The following ITPR2 variants were observed in gnomAD, a reference collection of about 807,000 sequenced individuals.
ITPR2 encodes the protein inositol 1,4,5-trisphosphate receptor type 2.
A neutral mutation model predicts 317.1 loss-of-function variants in ITPR2; 207 were observed. That is an observed-to-expected ratio of 0.65 (90% CI 0.58 to 0.73). ITPR2 has a LOEUF of 0.73. Ranked by LOEUF, ITPR2 falls within the 30% of genes least tolerant of loss-of-function variation. The pLI is 0.00. For missense variants in ITPR2, 2,613 were observed against 3,284.0 expected, an observed-to-expected ratio of 0.80 and a Z score of 4.99; for synonymous variants, 1,156 against 1,149.1, an observed-to-expected ratio of 1.01 and a Z score of -0.12.
At chr12:26,701,416 T>G (rs1948444543) in intron 9 of ITPR2, among the ~76,000 whole-genome samples, 1 of 152,218 alleles carries the variant, frequency 6.6e-6, no homozygotes, top group Non-Finnish European at 1.5e-5. Flanking sequence ...ATGTTTCTCT[T>G]TCCAACGACT....
chr12:26,525,428 TCTA>T (rs1007559350), intron 37 of ITPR2, among the ~76,000 whole-genome samples: 1 of 152,194 alleles, frequency 6.6e-6, no homozygotes, highest in African/African-American at 2.4e-5. Flanking sequence ...TACTGGCATC[TCTA>T]CCTACAGCAT....
intron 5 of ITPR2, chr12:26,721,203 G>GA: frequency 4.9e-6 from 2 of 411,774 alleles, no homozygotes; most frequent in Middle Eastern, 3.0e-4. Flanking sequence ...AAAAAAAGTA[G>GA]GGTTTTTTTT....
At chr12:26,511,056 AT>A (rs1943333862) in intron 37 of ITPR2, among the ~76,000 whole-genome samples, 1 of 152,212 alleles carries the variant, frequency 6.6e-6, no homozygotes, top group African/African-American at 2.4e-5. Flanking sequence ...CAAATTCACT[AT>A]CATCTTGACT....
Position 26,625,175 on chromosome 12 carries a change from G to C in ITPR2, c.3065-819C>G, listed in dbSNP as rs532028180. On this transcript the variant is annotated intron_variant, in intron 23 of 56. Transcript: ENST00000381340. ...CTCATGGCGATAGACAGTAGAATAA[G>C]AGTTACCAGAGGCTGGGAAAGGTAG... Among the ~76,000 whole-genome samples the C allele has an allele frequency of 9.2e-5, 14 of 152,086 alleles. No individual in the cohort carries two copies. In the South Asian group the frequency reaches 2.5e-3, roughly 27 times the overall value.
chr12:26,803,943 T>C (rs1012524474), intron 1 of ITPR2, among the ~76,000 whole-genome samples: 6 of 152,122 alleles, frequency 3.9e-5, no homozygotes, highest in Non-Finnish European at 5.9e-5. Flanking sequence ...AGGCTGTAAA[T>C]CTGATCATTA....
chr12:26,666,070 G>A lies in ITPR2; in HGVS notation c.1410-19C>T. ...TACAAACCTATTACAAAATGAAAAG[G>A]AAATTTTACTTTACAGTGTGCTTAA... is the stretch of plus-strand genomic sequence containing the variant. On this transcript the variant is annotated intron_variant, in intron 13 of 56. Coordinates refer to ENST00000381340, the MANE Select transcript of ITPR2 (RefSeq NM_002223.4). 6.2e-7 allele frequency: 1 copy of A among 1,601,844 alleles called. No homozygotes were observed. Among genetic ancestry groups the A allele is most frequent in the Non-Finnish European group, 8.5e-7 (1 of 1,174,264 alleles).
In ITPR2 at chr12:26,595,578, A is replaced by C; in HGVS notation, c.4267T>G (p.Tyr1423Asp). The change falls in exon 32 of 57, where the codon TAT (tyrosine) becomes GAT (aspartate). Residue 1423 changes from tyrosine to aspartate, a missense_variant. By Grantham distance (160) the Tyr-to-Asp change is radical. This residue lies in a region of ITPR2 where 926 missense variants were observed against 1,072.8 expected (regional missense o/e 0.86). Coordinates refer to ENST00000381340, the MANE Select transcript of ITPR2 (RefSeq NM_002223.4). ...TAACAGTGATTAACAAAGTTCACAT[A>C]AGCAATTTTAACCTGTGCAAGTTTC... ...DDCIPEVKIA[Y>D]VNFVNHCYVD... The C allele has an allele frequency of 6.3e-7, 1 of 1,584,176 alleles. No homozygotes were observed. Among genetic ancestry groups the C allele is most frequent in the Non-Finnish European group, 8.5e-7 (1 of 1,170,860 alleles).
intron 2 of ITPR2, among the ~76,000 whole-genome samples, chr12:26,772,991 GA>G (rs1295982133): frequency 1.3e-5 from 2 of 152,008 alleles, no homozygotes; most frequent in African/African-American, 4.8e-5. Context: ...ACTTATGAGT[GA>G]GAACATGTGG....
At chr12:26,497,154 T>C (rs1942952117) in intron 37 of ITPR2, among the ~76,000 whole-genome samples, 1 of 143,582 alleles carries the variant, frequency 7.0e-6, no homozygotes, top group Non-Finnish European at 1.5e-5. Context: ...CATTTCTCTC[T>C]CTTTTTTTTT....
At position 26,390,603 on chromosome 12, in the gene ITPR2, A is replaced by G. The variant is rs183516550; in HGVS notation, c.7697-3009T>C. Among the ~76,000 whole-genome samples, 524 of 152,312 alleles carry G rather than the reference A, an allele frequency of 3.4e-3. 8 individuals are homozygous for G. The highest frequency in any genetic ancestry group is 0.012 in the African/African-American group (504 of 41,564). On this transcript the variant is annotated intron_variant, in intron 54 of 56. Coordinates refer to ENST00000381340, the MANE Select transcript of ITPR2 (RefSeq NM_002223.4). ...GCAGAGATGGAAGGTTAGGGATCAG[A>G]TGATGGCTAAAGGGTATGGGGTTTC...
intron 21 of ITPR2, among the ~76,000 whole-genome samples, chr12:26,647,998 C>T (rs1451584266): frequency 3.9e-5 from 6 of 151,966 alleles, no homozygotes; most frequent in Admixed American, 3.9e-4. Context: ...GCAGCCACAG[C>T]CTGGAAGCTA....
intron 22 of ITPR2, among the ~76,000 whole-genome samples, chr12:26,628,568 T>C (rs1033646493): frequency 6.6e-6 from 1 of 152,216 alleles, no homozygotes; most frequent in African/African-American, 2.4e-5. Flanking sequence ...GCTACAATAG[T>C]ATGACTGTGA....
At chr12:26,618,681 G>C (rs1946426105) in intron 26 of ITPR2, among the ~76,000 whole-genome samples, 1 of 152,198 alleles carries the variant, frequency 6.6e-6, no homozygotes, top group African/African-American at 2.4e-5. Flanking sequence ...ATGTGCACCA[G>C]GTGACATACA....
intron 1 of ITPR2, among the ~76,000 whole-genome samples, chr12:26,818,210 T>A (rs1227388417): frequency 6.6e-6 from 1 of 152,262 alleles, no homozygotes; most frequent in East Asian, 1.9e-4. Flanking sequence ...GTTTATAGAA[T>A]CACTTCATGG....
At chr12:26,653,376 G>T (rs892165129) in intron 21 of ITPR2, among the ~76,000 whole-genome samples, 3 of 151,536 alleles carry the variant, frequency 2.0e-5, no homozygotes, top group African/African-American at 7.3e-5. Flanking sequence ...CGAGTAGCTG[G>T]AATTACAGGC....
intron 47 of ITPR2, among the ~76,000 whole-genome samples, chr12:26,437,887 T>C: frequency 6.6e-6 from 1 of 152,078 alleles, no homozygotes; most frequent in Non-Finnish European, 1.5e-5. Context: ...CTGCAACCTC[T>C]GCCTCCTGGG....
At chr12:26,398,040 G>A (rs1298327697) in intron 54 of ITPR2, among the ~76,000 whole-genome samples, 3 of 150,222 alleles carry the variant, frequency 2.0e-5, no homozygotes, top group African/African-American at 7.4e-5. Context: ...ATGATGACAG[G>A]AGAAGGGGAG....
intron 10 of ITPR2, among the ~76,000 whole-genome samples, chr12:26,691,168 T>G (rs1016337056): frequency 1.3e-5 from 2 of 152,204 alleles, no homozygotes; most frequent in Non-Finnish European, 2.9e-5. Flanking sequence ...CAGCCTCTAA[T>G]GACATCTGAA....
intron 13 of ITPR2, among the ~76,000 whole-genome samples, chr12:26,675,700 A>T (rs1036196432): frequency 6.0e-5 from 9 of 150,958 alleles, no homozygotes; most frequent in Admixed American, 3.3e-4. Flanking sequence ...GTATAATAAT[A>T]AAAAAAAAAT....
Sources: gnomAD v4.1 joint callset for allele counts (sites outside exome capture counted in the v4.1 genomes callset) on GRCh38, gnomAD v4.1.1 for gene constraint, gnomAD v4.1.1 regional missense constraint, MANE v1.5 for transcripts, NCBI Gene and HGNC (gene_info 2026-07-23, HGNC 2026-07-21) for gene names.